Variants in SEL1L2 observed in about 807,000 individuals in gnomAD.
SEL1L2 encodes the protein protein sel-1 homolog 2.
SEL1L2 carries 89 observed loss-of-function variants against 98.8 expected under a neutral mutation model. The observed-to-expected ratio is 0.90, with a 90% CI of 0.76 to 1.07. SEL1L2 has a LOEUF of 1.07. Among genes scored for constraint, SEL1L2 ranks in the 50% least tolerant of loss-of-function variants. The pLI, the probability that SEL1L2 is intolerant of heterozygous loss-of-function variation, is 0.00. For synonymous variants in SEL1L2, 262 were observed against 278.5 expected (o/e 0.94, Z 0.59); for missense variants, 788 against 812.0 (o/e 0.97, Z 0.36).
At chr20:13,870,115 A>T (rs1220005075) in intron 13 of SEL1L2, 26 bp downstream of exon 13, 1 of 1,504,310 alleles carries the variant, frequency 6.6e-7, no homozygotes. Context: ...CTACAAATAA[A>T]AAGATAATAA....
In SEL1L2 at chr20:13,885,390, T is replaced by C; in HGVS notation, c.914A>G (p.Gln305Arg). Reference protein sequence around the residue: ...GDVQIQVSLGQLHLIGRKGLD... With the variant: ...GDVQIQVSLGRLHLIGRKGLD... ...ACCTTTCCTGCCAATTAGATGTAAT[T>C]GTCCAAGAGAGACCTAGGAATGATG... The change falls in exon 10 of 20, where the codon CAA becomes CGA. Residue 305 changes from glutamine to arginine, a missense_variant. Coordinates refer to ENST00000284951, the MANE Select transcript of SEL1L2 (RefSeq NM_025229.2). 1 of 1,602,134 alleles carries C rather than the reference T, an allele frequency of 6.2e-7. No individual in the cohort carries two copies. Among genetic ancestry groups the C allele is most frequent in the Non-Finnish European group, 8.6e-7 (1 of 1,169,094 alleles).
At position 13,900,640 on chromosome 20, in the gene SEL1L2, A is replaced by G. The variant is rs192263319; in HGVS notation, c.550-12128T>C. Among the ~76,000 whole-genome samples, 27 of 152,330 alleles carry G rather than the reference A, an allele frequency of 1.8e-4. No homozygotes were observed. The East Asian group carries it at 4.4e-3, about 25-fold the overall frequency. On this transcript the variant is annotated intron_variant, in intron 5 of 19. Transcript: ENST00000284951. ...CTATACAGGCGACATATGTAGAAAC[A>G]TAATCCGCCGCTGTGCCTGTGCGGC...
chr20:13,906,388 G>T (rs912507796), intron 5 of SEL1L2, among the ~76,000 whole-genome samples: 4 of 152,036 alleles, frequency 2.6e-5, no homozygotes, highest in Non-Finnish European at 5.9e-5. Context: ...GGAGAAAAAA[G>T]ATTAAGCAAT....
At chr20:13,917,455 C>G (rs1297555459) in intron 4 of SEL1L2, among the ~76,000 whole-genome samples, 3 of 152,168 alleles carry the variant, frequency 2.0e-5, no homozygotes, top group Non-Finnish European at 4.4e-5. Flanking sequence ...AGATAATTAT[C>G]TATGTCTCAC....
chr20:13,896,624 A>G (rs1041087130), intron 5 of SEL1L2, among the ~76,000 whole-genome samples: 4 of 152,214 alleles, frequency 2.6e-5, no homozygotes, highest in African/African-American at 9.7e-5. Flanking sequence ...ATTAAGAAAA[A>G]AATCCAAGGA....
intron 5 of SEL1L2, 148 bp downstream of exon 5, chr20:13,913,634 A>C (rs1176147224): frequency 9.7e-6 from 6 of 615,406 alleles, no homozygotes; most frequent in Non-Finnish European, 1.5e-5. Context: ...TCCTGCCCTG[A>C]CACCACTGTT....
upstream of SEL1L2, among the ~76,000 whole-genome samples, chr20:13,991,420 G>A (rs1167033260): frequency 6.6e-6 from 1 of 152,146 alleles, no homozygotes; most frequent in Non-Finnish European, 1.5e-5. Context: ...CATAGTTCTA[G>A]AGACCAGAAT....
chr20:13,899,290 C>G (rs2047562991), intron 5 of SEL1L2, among the ~76,000 whole-genome samples: 1 of 151,794 alleles, frequency 6.6e-6, no homozygotes, highest in Non-Finnish European at 1.5e-5. Flanking sequence ...ATATGGATGT[C>G]TGTTGTGGTT....
At chr20:13,967,316 T>G (rs1050505835) in intron 1 of SEL1L2, among the ~76,000 whole-genome samples, 2 of 152,226 alleles carry the variant, frequency 1.3e-5, no homozygotes, top group African/African-American at 4.8e-5. Context: ...TCTCTCTGGC[T>G]TTTTCTTGCT....
intron 2 of SEL1L2, among the ~76,000 whole-genome samples, chr20:13,936,989 T>C (rs1196480692): frequency 3.3e-5 from 5 of 152,236 alleles, no homozygotes; most frequent in Non-Finnish European, 1.5e-5. Flanking sequence ...GCTTGTTTCT[T>C]ACTACTACCA....
intron 1 of SEL1L2, among the ~76,000 whole-genome samples, chr20:13,977,736 C>G (rs1054597983): frequency 6.6e-6 from 1 of 152,088 alleles, no homozygotes; most frequent in East Asian, 1.9e-4. Flanking sequence ...GAAGACTGTC[C>G]TCTCTCCAAT....
chr20:13,964,626 A>G (rs912526511), intron 1 of SEL1L2, among the ~76,000 whole-genome samples: 12 of 151,254 alleles, frequency 7.9e-5, no homozygotes, highest in African/African-American at 2.9e-4. Flanking sequence ...CTAATTTTGT[A>G]TTTTTAGTAG....
intron 1 of SEL1L2, among the ~76,000 whole-genome samples, chr20:13,959,237 A>T (rs62207716): frequency 0.064 from 9,732 of 152,210 alleles, 352 homozygotes; most frequent in Non-Finnish European, 0.073. Context: ...TGTGATGGGC[A>T]ACGAAAAGGG....
At chr20:13,931,089 G>T (rs993821914) in intron 3 of SEL1L2, among the ~76,000 whole-genome samples, 10 of 150,136 alleles carry the variant, frequency 6.7e-5, no homozygotes, top group Admixed American at 4.0e-4. Flanking sequence ...TGTCACCCAG[G>T]CTGGAGTACA....
At chr20:13,977,965 T>G (rs1263549885) in intron 1 of SEL1L2, among the ~76,000 whole-genome samples, 2 of 151,978 alleles carry the variant, frequency 1.3e-5, no homozygotes, top group Non-Finnish European at 2.9e-5. Flanking sequence ...TCTATCAATA[T>G]CCCAACATCA....
Position 13,868,284 on chromosome 20 carries a change from C to T in SEL1L2, c.1255+1219G>A, listed in dbSNP as rs1450092129. Among the ~76,000 whole-genome samples the T allele has an allele frequency of 5.3e-5, 8 of 152,168 alleles. No individual in the cohort carries two copies. The South Asian group carries it at 8.3e-4, about 16-fold the overall frequency. On this transcript the variant is annotated intron_variant, in intron 14 of 19. Coordinates refer to ENST00000284951, the MANE Select transcript of SEL1L2 (RefSeq NM_025229.2). ...GGTAAGCAATCCTGTCTATCTATCA[C>T]GGTTAAAGAGGCTTCCACTGATCTG...
chr20:13,903,002 C>T (rs1173671700), intron 5 of SEL1L2, among the ~76,000 whole-genome samples: 1 of 151,014 alleles, frequency 6.6e-6, no homozygotes, highest in African/African-American at 2.4e-5. Flanking sequence ...GCTGTAGTCC[C>T]AGCTGCTTGG....
rs370119458 is a variant in SEL1L2 at position 13,921,456 on chromosome 20, G to A, written c.284-2333C>T. On this transcript the variant is annotated intron_variant, in intron 3 of 19. Transcript: ENST00000284951. ...CAAAATGCTGGGATTACAGGCGTGA[G>A]TCACCACACTCAGCCGCTGTTTATT... Among the ~76,000 whole-genome samples, 6 of 152,162 alleles carry A rather than the reference G, an allele frequency of 3.9e-5. No homozygotes were observed. In the East Asian group the frequency reaches 1.2e-3, roughly 29 times the overall value.
At chr20:13,913,075 C>G (rs1206765998) in intron 5 of SEL1L2, among the ~76,000 whole-genome samples, 1 of 152,148 alleles carries the variant, frequency 6.6e-6, no homozygotes, top group Non-Finnish European at 1.5e-5. Flanking sequence ...AGCTTCTGAA[C>G]TTCACTGGAT....
Sources: allele counts gnomAD v4.1 joint callset (sites outside exome capture counted in the v4.1 genomes callset), GRCh38; gene constraint gnomAD v4.1.1; transcripts MANE v1.5; gene names NCBI Gene and HGNC (gene_info 2026-07-23, HGNC 2026-07-21).